Variants in SMARCD1 observed in about 807,000 individuals in gnomAD.
SMARCD1 encodes SWI/SNF-related matrix-associated actin-dependent regulator of chromatin subfamily D member 1.
Under a neutral mutation model 70.8 loss-of-function variants are expected in SMARCD1, and 16 were observed. The observed-to-expected ratio is 0.23, with a 90% CI of 0.15 to 0.34. The LOEUF is 0.34. Among genes scored for constraint, SMARCD1 ranks in the 10% least tolerant of loss-of-function variants. SMARCD1 has a pLI of 1.00. For missense variants in SMARCD1, 409 were observed against 655.5 expected, an observed-to-expected ratio of 0.62 and a Z score of 4.11; for synonymous variants, 249 against 246.0, an observed-to-expected ratio of 1.01 and a Z score of -0.11.
chr12:50,090,573 C>T lies in SMARCD1; in HGVS notation c.1116C>T (p.Ile372=). 6.2e-7 allele frequency: 1 copy of T among 1,613,424 alleles called. No homozygotes were observed. The highest frequency in any genetic ancestry group is 8.5e-7 in the Non-Finnish European group (1 of 1,179,370). ...TGCTTATGCCACCAGAACCTATCAT[C>T]ATTAATCATGTCATCAGGTAGGCCT... ...HALLMPPEPI[I]INHVISVDPN... Residue 372 remains isoleucine (I), a synonymous_variant, in exon 9 of 13, where the codon ATC becomes ATT. Transcript: ENST00000394963.
At position 50,086,598 on chromosome 12, in the gene SMARCD1, A is replaced by T. The variant is rs577069569; in HGVS notation, c.366-23A>T. The stretch of plus-strand genomic sequence containing the variant: ...TTCTGACTAGTTCTGTCCCAACCTG[A>T]TAATAGTATTTATTCCCAACAGTGC... On this transcript the variant is annotated intron_variant, in intron 2 of 12. Transcript: ENST00000394963. 1.1e-5 allele frequency: 17 copies of T among 1,612,026 alleles called. 1 individual carries two copies. The South Asian group carries it at 1.9e-4, about 18-fold the overall frequency.
chr12:50,098,989 C>T lies in SMARCD1; in HGVS notation c.1537C>T (p.Arg513Trp). 6.2e-7 allele frequency: 1 copy of T among 1,614,078 alleles called. No individual in the cohort carries two copies. Among genetic ancestry groups the T allele is most frequent in the Non-Finnish European group, 8.5e-7 (1 of 1,179,982 alleles). ...AGAATTAGAGCAAGCCCTGGGAATC[C>T]GGAATACATAGGGCCTCTCCCACAG... ...RQELEQALGI[R>W]NT The change falls in exon 13 of 13, where the codon CGG becomes TGG. Residue 513 changes from arginine to tryptophan, a missense_variant. Physicochemically the swap from Arg to Trp is moderately radical, Grantham distance 101 (BLOSUM62 -3). Coordinates refer to ENST00000394963, the MANE Select transcript of SMARCD1 (RefSeq NM_003076.5).
chr12:50,090,199 G>T, intron 7 of SMARCD1, 42 bp from the exon 8 acceptor site: 3 of 1,558,910 alleles, frequency 1.9e-6, no homozygotes, highest in Middle Eastern at 3.5e-4. Context: ...GCATATAGAC[G>T]CAGCTAACTA....
intron 11 of SMARCD1, chr12:50,098,508 A>AT: frequency 3.4e-6 from 2 of 583,624 alleles, no homozygotes; most frequent in Admixed American, 6.1e-5. Context: ...TACCGGTCAT[A>AT]TTAGGGGGTA....
intron 8 of SMARCD1, 30 bp from the exon 9 acceptor site, chr12:50,090,463 C>G (rs1950831426): frequency 6.2e-7 from 1 of 1,612,882 alleles, no homozygotes; most frequent in African/African-American, 1.3e-5. Context: ...GCTCAAACTG[C>G]TAACCTCGTG....
In SMARCD1 at chr12:50,086,658, C is replaced by G. The variant is rs143055223; in HGVS notation, c.403C>G (p.Gln135Glu). ...KKKMADKILP[Q>E]RIRELVPESQ... The stretch of plus-strand genomic sequence containing the variant: ...GAAGATGGCTGACAAAATTCTACCT[C>G]AAAGGGTGAGTCCAGGCTATATGTC... Residue 135 changes from glutamine to glutamate, a missense_variant, in exon 3 of 13, where the codon CAA (glutamine) becomes GAA (glutamate). Physicochemically the swap from Gln to Glu is conservative, Grantham distance 29. Transcript: ENST00000394963. The G allele has an allele frequency of 3.7e-6, 6 of 1,613,916 alleles. No individual in the cohort carries two copies. Among genetic ancestry groups the G allele is most frequent in the Non-Finnish European group, 5.1e-6 (6 of 1,179,930 alleles).
intron 11 of SMARCD1, 103 bp from the exon 12 acceptor site, chr12:50,098,611 A>G (rs570335442): frequency 5.5e-6 from 5 of 915,454 alleles, no homozygotes; most frequent in African/African-American, 3.3e-5. Flanking sequence ...TTAGACTTCA[A>G]CATTTTGGGG....
intron 2 of SMARCD1, 64 bp downstream of exon 2, chr12:50,086,412 T>C (rs1950790613): frequency 1.4e-6 from 2 of 1,394,026 alleles, no homozygotes; most frequent in African/African-American, 1.5e-5. Flanking sequence ...GTGGTGGGAG[T>C]ACCTGAACCA....
intron 7 of SMARCD1, 21 bp from the exon 8 acceptor site, chr12:50,090,220 C>G (rs1950828682): frequency 1.3e-6 from 2 of 1,598,996 alleles, no homozygotes. Context: ...GCTTCATCCC[C>G]TATACTTTGG....
chr12:50,097,895 A>G (rs1950907334), intron 11 of SMARCD1, among the ~76,000 whole-genome samples: 1 of 151,176 alleles, frequency 6.6e-6, no homozygotes, highest in African/African-American at 2.4e-5. Flanking sequence ...CCATCTCAAA[A>G]AAAAAAAAAA....
rs1376019458 is a variant in SMARCD1 at position 50,086,632 on chromosome 12, A to G, written c.377A>G (p.Lys126Arg). ...TTTATTCCCAACAGTGCAAAGAAAA[A>G]GAAGATGGCTGACAAAATTCTACCT... The part of the protein sequence containing the change: ...VQNRNHNAKK[K>R]KMADKILPQR... The change falls in exon 3 of 13, where the codon AAG (lysine) becomes AGG (arginine). Residue 126 changes from lysine (K) to arginine (R), a missense_variant. This residue lies in a region of SMARCD1 where 269 missense variants were observed against 498.6 expected (regional missense o/e 0.54). Coordinates refer to ENST00000394963, the MANE Select transcript of SMARCD1 (RefSeq NM_003076.5). The G allele has an allele frequency of 1.9e-6, 3 of 1,614,122 alleles. No homozygotes were observed. In the South Asian group the frequency reaches 3.3e-5, roughly 18 times the overall value.
chr12:50,098,436 G>T, intron 11 of SMARCD1: 1 of 438,994 alleles, frequency 2.3e-6, no homozygotes, highest in African/African-American at 2.0e-5. Flanking sequence ...GTGACTTCAC[G>T]TTGTCTTCCT....
chr12:50,097,891 C>CA (rs749628224), intron 11 of SMARCD1, among the ~76,000 whole-genome samples: 4,533 of 41,402 alleles, frequency 0.11, 293 homozygotes, highest in African/African-American at 0.21. Context: ...GACTCCATCT[C>CA]AAAAAAAAAA....
At chr12:50,087,232 T>C (rs1051914649) in intron 4 of SMARCD1, 131 bp from the exon 5 acceptor site, 1 of 1,106,790 alleles carries the variant, frequency 9.0e-7, no homozygotes, top group Non-Finnish European at 1.3e-6. Flanking sequence ...GGAATCTTCA[T>C]CCACCCACCC....
At chr12:50,086,930 T>G in intron 4 of SMARCD1, 52 bp downstream of exon 4, 1 of 1,586,890 alleles carries the variant, frequency 6.3e-7, no homozygotes, top group East Asian at 2.2e-5. Flanking sequence ...CCCAGGAACC[T>G]TCAGCAGAAT....
intron 4 of SMARCD1, 78 bp from the exon 5 acceptor site, chr12:50,087,285 T>G: frequency 6.5e-7 from 1 of 1,542,544 alleles, no homozygotes; most frequent in South Asian, 1.2e-5. Flanking sequence ...AGGAGTAATT[T>G]TGGGGTTTGG....
rs199975207 is a variant in SMARCD1 at position 50,094,608 on chromosome 12, A to G, written c.1269+36A>G. 1,543 of 1,599,482 alleles carry G rather than the reference A, an allele frequency of 9.6e-4. 22 individuals are homozygous for G. The South Asian group carries it at 0.016, about 17-fold the overall frequency. On this transcript the variant is annotated intron_variant, in intron 10 of 12. Coordinates refer to ENST00000394963, the MANE Select transcript of SMARCD1 (RefSeq NM_003076.5). ...GTGCCCTGGATAGTTGGGTACCACC[A>G]GCCCCTATCACAGCTTCAAGGCCTC...
chr12:50,095,624 G>T (rs1950887125), intron 10 of SMARCD1, among the ~76,000 whole-genome samples: 1 of 152,244 alleles, frequency 6.6e-6, no homozygotes, highest in Admixed American at 6.5e-5. Flanking sequence ...ACCGCGCCCG[G>T]CCCCAACTAA....
chr12:50,094,689 C>A, intron 10 of SMARCD1, 117 bp downstream of exon 10: 1 of 992,320 alleles, frequency 1.0e-6, no homozygotes, highest in Non-Finnish European at 1.5e-6. Flanking sequence ...ATGTCAGGTA[C>A]TGTGCTTGGT....
Sources: gnomAD v4.1 joint callset for allele counts (sites outside exome capture counted in the v4.1 genomes callset) on GRCh38, gnomAD v4.1.1 for gene constraint, gnomAD v4.1.1 regional missense constraint, MANE v1.5 for transcripts, NCBI Gene and HGNC (gene_info 2026-07-23, HGNC 2026-07-21) for gene names.